The following BUD23 variants were observed in gnomAD, a reference collection of about 807,000 sequenced individuals.
BUD23 encodes 18S rRNA (guanine-N(7))-methyltransferase.
A neutral mutation model predicts 47.0 loss-of-function variants in BUD23; 34 were observed. The observed-to-expected ratio is 0.72, with a 90% confidence interval of 0.55 to 0.96. The LOEUF (loss-of-function observed/expected upper bound fraction) is 0.96, where lower values mean the gene tolerates loss of function less well. Ranked by LOEUF, BUD23 falls within the 40% of genes least tolerant of loss-of-function variation. The probability of loss-of-function intolerance (pLI) is 0.00; values close to 1 mark genes in which losing one functional copy is unlikely to be tolerated. For missense variants in BUD23, 343 were observed against 361.2 expected, an observed-to-expected ratio of 0.95 and a Z score of 0.41; for synonymous variants, 124 against 132.0, an observed-to-expected ratio of 0.94 and a Z score of 0.41.
Position 73,690,954 on chromosome 7 carries a change from A to G in BUD23, c.401A>G (p.Lys134Arg), listed in dbSNP as rs782814877. The change falls in exon 6 of 12, where the codon AAG (lysine) becomes AGG (arginine). Residue 134 changes from lysine (K) to arginine (R), a missense_variant. Lys to Arg is a conservative substitution (Grantham distance 26). Coordinates refer to ENST00000265758, the MANE Select transcript of BUD23 (RefSeq NM_017528.5). ...AVQWLCNANK[K>R]SENPAKRLYC... is the part of the protein sequence containing the mutation. ...CAGTGGCTCTGTAATGCTAACAAGA[A>G]GTCTGAAAACCCTGCCAAGCGCCTG... The G allele has an allele frequency of 1.9e-6, 3 of 1,614,080 alleles. No homozygotes were observed. In the African/African-American group the frequency reaches 4.0e-5, roughly 22 times the overall value.
Position 73,686,583 on chromosome 7 carries a change from A to T in BUD23, c.87-53A>T, listed in dbSNP as rs563278088. 5.4e-6 allele frequency: 8 copies of T among 1,491,738 alleles called. No homozygotes were observed. The African/African-American group carries it at 7.0e-5, about 13-fold the overall frequency. 92.4% of individuals were successfully genotyped at this position (1,491,738 alleles called of 1,614,324 possible). On this transcript the variant is annotated intron_variant, in intron 2 of 11. Transcript: ENST00000265758. ...GTTTTTTGTTTTTTGGTCTGGGGGA[A>T]GTATTCACCCAGAACTCCTTTACCA...
intron 6 of BUD23, 70 bp from the exon 7 acceptor site, chr7:73,692,526 A>G: frequency 6.9e-7 from 1 of 1,445,420 alleles, no homozygotes; most frequent in Admixed American, 1.8e-5. Context: ...TGAATGAAGG[A>G]AGAGAGGGGT....
intron 6 of BUD23, among the ~76,000 whole-genome samples, chr7:73,691,437 C>A (rs1798191425): frequency 6.6e-6 from 1 of 152,146 alleles, no homozygotes; most frequent in Non-Finnish European, 1.5e-5. Flanking sequence ...CCTCACTTAT[C>A]CCTCCTCCTA....
intron 10 of BUD23, chr7:73,695,193 C>A (rs2116704347): frequency 6.6e-6 from 1 of 152,408 alleles, no homozygotes; most frequent in South Asian, 2.0e-4. Context: ...CTCAAGCAAT[C>A]CCCCTGTCTC....
At chr7:73,696,163 T>C (rs1554614808) in intron 10 of BUD23, 1 of 152,234 alleles carries the variant, frequency 6.6e-6, no homozygotes, top group African/African-American at 2.4e-5. Context: ...AAAATGCATG[T>C]GTTTGGAAGG....
intron 10 of BUD23, chr7:73,695,854 A>C (rs1247704268): frequency 2.0e-5 from 3 of 152,186 alleles, no homozygotes; most frequent in African/African-American, 7.2e-5. Flanking sequence ...TAGTGCCTTC[A>C]TTGCAGTTGT....
At chr7:73,689,177 G>C (rs1798092947) in intron 5 of BUD23, among the ~76,000 whole-genome samples, 1 of 152,172 alleles carries the variant, frequency 6.6e-6, no homozygotes, top group African/African-American at 2.4e-5. Flanking sequence ...AGCCTCCTGA[G>C]TAGCTGGGAT....
intron 6 of BUD23, among the ~76,000 whole-genome samples, chr7:73,691,547 G>T (rs1554614016): frequency 6.6e-6 from 1 of 152,162 alleles, no homozygotes; most frequent in Non-Finnish European, 1.5e-5. Context: ...AATTTCAGTT[G>T]TTCACTAGGA....
In BUD23 at chr7:73,683,670, G is replaced by A; in HGVS notation, c.45G>A (p.Glu15=). 1.9e-6 allele frequency: 3 copies of A among 1,613,542 alleles called. No homozygotes were observed. The highest frequency in any genetic ancestry group is 2.5e-6 in the Non-Finnish European group (3 of 1,179,890). ...GRRPEHGGPP[E]LFYDETEARK... is the part of the protein sequence containing the mutation. ...GTCCGGAGCATGGCGGACCCCCAGA[G>A]CTGGTAAGTCCCGGGGCCCGCGGAC... Residue 15 remains glutamate, a synonymous_variant, in exon 1 of 12, where the codon GAG becomes GAA. Coordinates refer to ENST00000265758, the MANE Select transcript of BUD23 (RefSeq NM_017528.5).
At chr7:73,684,600 C>G (rs1235247657) in intron 2 of BUD23, among the ~76,000 whole-genome samples, 11 of 73,258 alleles carry the variant, frequency 1.5e-4, no homozygotes, top group African/African-American at 5.7e-4. Context: ...CACCTCGAGT[C>G]GTTAAAAAAA....
At chr7:73,693,481 G>C in intron 8 of BUD23, 67 bp downstream of exon 8, 1 of 1,604,428 alleles carries the variant, frequency 6.2e-7, no homozygotes, top group Non-Finnish European at 8.5e-7. Flanking sequence ...GCCCTTTCAG[G>C]CCACTCAGTG....
rs1244674032 is a variant in BUD23 at position 73,692,604 on chromosome 7, A to G, written c.468A>G (p.Gly156=). Residue 156 remains glycine, a synonymous_variant, in exon 7 of 12, where the codon GGA becomes GGG. Transcript: ENST00000265758. ...FASLFSVLVR[G]SRAVLQLYPE... ...GTTCCTGTTTCTTTCAGGTCCGGGGATCCCGAGCTGTCCTGCAGCTGTACC... is the reference window on the plus strand; with the variant it reads ...GTTCCTGTTTCTTTCAGGTCCGGGGGTCCCGAGCTGTCCTGCAGCTGTACC... 7 of 1,613,530 alleles carry G rather than the reference A, an allele frequency of 4.3e-6. No individual in the cohort carries two copies. In the Admixed American group the frequency reaches 1.2e-4, roughly 27 times the overall value.
intron 10 of BUD23, chr7:73,695,887 C>G (rs1413806785): frequency 1.3e-5 from 2 of 152,154 alleles, no homozygotes; most frequent in African/African-American, 4.8e-5. Context: ...TGTTGATTTT[C>G]CTTAACACCC....
intron 5 of BUD23, among the ~76,000 whole-genome samples, chr7:73,687,900 G>GT (rs1177909328): frequency 0.017 from 2,473 of 142,342 alleles, 52 homozygotes; most frequent in African/African-American, 0.052. Context: ...CGTGGTTGTT[G>GT]TTTTTTTTTT....
At position 73,693,633 on chromosome 7, in the gene BUD23, C is replaced by G; in HGVS notation, c.606C>G (p.Leu202=). The change falls in exon 9 of 12, where the codon CTC becomes CTG. Residue 202 remains leucine, a synonymous_variant. Transcript: ENST00000265758. ...PNSAKAKKFY[L]CLFSGPSTFI... is the part of the protein sequence containing the mutation. ...CACTTTCTCCTTTCAGATTCTACCT[C>G]TGCTTGTTTTCTGGGCCTTCGACCT... 2 of 1,614,194 alleles carry G rather than the reference C, an allele frequency of 1.2e-6. No homozygotes were observed. Among genetic ancestry groups the G allele is most frequent in the Non-Finnish European group, 1.7e-6 (2 of 1,180,032 alleles).
chr7:73,697,200 G>C, intron 10 of BUD23: 5 of 509,704 alleles, frequency 9.8e-6, no homozygotes, highest in South Asian at 4.5e-5. Flanking sequence ...CTGTCTTCCT[G>C]CCCCCAAGCT....
intron 2 of BUD23, among the ~76,000 whole-genome samples, chr7:73,684,677 CT>C (rs201433177): frequency 0.044 from 6,641 of 149,512 alleles, 235 homozygotes; most frequent in Non-Finnish European, 0.073. Context: ...AATCGCAACA[CT>C]TTGGGAGGCT....
At chr7:73,685,048 A>C (rs1797908188) in intron 2 of BUD23, among the ~76,000 whole-genome samples, 1 of 149,820 alleles carries the variant, frequency 6.7e-6, no homozygotes, top group Non-Finnish European at 1.5e-5. Context: ...GGCTCATACC[A>C]GTAATCCCAG....
chr7:73,689,891 G>A (rs4717101), intron 5 of BUD23, among the ~76,000 whole-genome samples: 39,905 of 152,026 alleles, frequency 0.26, 6,376 homozygotes, highest in South Asian at 0.35. Flanking sequence ...ATTGGTGCGG[G>A]GAAGTGAAAG....
Sources: gnomAD v4.1 joint callset for allele counts (sites outside exome capture counted in the v4.1 genomes callset) on GRCh38, gnomAD v4.1.1 for gene constraint, MANE v1.5 for transcripts, NCBI Gene and HGNC (gene_info 2026-07-23, HGNC 2026-07-21) for gene names.